The following SERPINA3 variants were observed in gnomAD, a reference collection of about 807,000 sequenced individuals.
SERPINA3 encodes serpin family A member 3, also known as alpha-1-antichymotrypsin.
In SERPINA3, 32 loss-of-function variants were observed where a neutral mutation model predicts 26.8. The ratio of observed to expected loss-of-function variants is 1.20; its 90% confidence interval spans 0.90 to 1.61. SERPINA3 has a LOEUF of 1.61. Among genes scored for constraint, SERPINA3 ranks in the 40% most tolerant of loss-of-function variants. The pLI is 0.00. For missense variants in SERPINA3, 632 were observed against 517.9 expected (o/e 1.22, Z -2.14); for synonymous variants, 252 against 206.4 (o/e 1.22, Z -1.89).
rs887992409 is a variant in SERPINA3 at position 94,624,041 on chromosome 14, T to A, written c.*227T>A. 1.2e-5 allele frequency: 7 copies of A among 592,946 alleles called. No individual in the cohort carries two copies. The highest frequency in any genetic ancestry group is 2.1e-5 in the Non-Finnish European group (7 of 332,542). The allele number at this position is 592,946 out of a possible 1,614,324, so 36.7% of individuals were successfully genotyped here. A position where few individuals can be genotyped will look rare whatever the true frequency, so the allele number is the denominator to read the frequency against. ...TCCTGGGCCTCCTGACAGCAATAAA[T>A]AATTTCGTTGGACACGTTGCTTGTG... On this transcript the variant is annotated 3_prime_UTR_variant, in exon 5 of 5. Coordinates refer to ENST00000393078, the MANE Select transcript of SERPINA3 (RefSeq NM_001085.5).
rs775441283 is a variant in SERPINA3, at chr14:94,623,592, T to C, written c.1069-19T>C. 1.9e-6 allele frequency: 3 copies of C among 1,612,532 alleles called. No homozygotes were observed. The highest frequency in any genetic ancestry group is 2.2e-5 in the East Asian group (1 of 44,878). Reference sequence around the variant, plus strand: ...GCGCATCTGTGTTTCCCGTGTGTAATGTTCTGCTGTCCCCACAGGTGGTCC... The same window carrying C: ...GCGCATCTGTGTTTCCCGTGTGTAACGTTCTGCTGTCCCCACAGGTGGTCC... On this transcript the variant is annotated intron_variant, in intron 4 of 4. Coordinates refer to ENST00000393078, the MANE Select transcript of SERPINA3 (RefSeq NM_001085.5).
chr14:94,624,037 T>C lies in SERPINA3; in HGVS notation c.*223T>C, dbSNP rs1047991405. The C allele has an allele frequency of 6.7e-6, 4 of 599,116 alleles. No individual in the cohort carries two copies. Among genetic ancestry groups the C allele is most frequent in the Non-Finnish European group, 1.2e-5 (4 of 336,604 alleles). 37.1% of individuals were successfully genotyped at this position (599,116 alleles called of 1,614,324 possible). ...AGGGTCCTGGGCCTCCTGACAGCAA[T>C]AAATAATTTCGTTGGACACGTTGCT... On this transcript the variant is annotated 3_prime_UTR_variant, in exon 5 of 5. Transcript: ENST00000393078.
At chr14:94,612,512 G>T in intron 1 of SERPINA3, 65 bp downstream of exon 1, 1 of 1,026,300 alleles carries the variant, frequency 9.7e-7, no homozygotes, top group Non-Finnish European at 1.4e-6. Context: ...GTTTTAGGCA[G>T]CAGCCTGGAG....
chr14:94,623,466 T>C (rs1886280659), intron 4 of SERPINA3, 145 bp from the exon 5 acceptor site: 1 of 764,508 alleles, frequency 1.3e-6, no homozygotes, highest in Non-Finnish European at 2.3e-6. Context: ...GGCAGGGGAG[T>C]TGGGAGGAGC....
intron 2 of SERPINA3, chr14:94,618,739 C>T (rs1030696229): frequency 5.8e-5 from 15 of 256,808 alleles, no homozygotes; most frequent in Admixed American, 1.0e-4. Flanking sequence ...AGTCTCTTTC[C>T]TCTTATTTCC....
At position 94,623,695 on chromosome 14, in the gene SERPINA3, G is replaced by A. The variant is rs1886290735; in HGVS notation, c.1153G>A (p.Ala385Thr). 1 of 1,614,098 alleles carries A rather than the reference G, an allele frequency of 6.2e-7. No homozygotes were observed. Residue 385 changes from alanine to threonine, a missense_variant, in exon 5 of 5, where the codon GCA becomes ACA. Ala to Thr is a moderately conservative substitution (Grantham distance 58). Transcript: ENST00000393078. ...ATAVKITLLSALVETRTIVRF... is the reference protein window; with the variant it reads ...ATAVKITLLSTLVETRTIVRF... ...AGCAGTCAAAATCACCCTCCTTTCT[G>A]CATTAGTGGAGACAAGGACCATTGT...
intron 1 of SERPINA3, chr14:94,613,906 A>G (rs1566845723): frequency 6.2e-6 from 1 of 161,890 alleles, no homozygotes; most frequent in Non-Finnish European, 1.4e-5. Flanking sequence ...AGGCCACACC[A>G]CGTGACATCT....
chr14:94,622,550 C>T, intron 4 of SERPINA3, 59 bp downstream of exon 4: 2 of 1,583,440 alleles, frequency 1.3e-6, no homozygotes, highest in African/African-American at 1.3e-5. Flanking sequence ...TTGGTGAAGG[C>T]CAGATGGACT....
intron 1 of SERPINA3, 198 bp from the exon 2 acceptor site, chr14:94,614,236 T>G: frequency 1.6e-6 from 1 of 606,382 alleles, no homozygotes; most frequent in Non-Finnish European, 2.9e-6. Context: ...TGGCAACAAT[T>G]ATGGTACCTA....
intron 3 of SERPINA3, chr14:94,619,698 T>A (rs1488369452): frequency 1.7e-6 from 1 of 584,862 alleles, no homozygotes; most frequent in East Asian, 2.9e-5. Flanking sequence ...TCCAGCATGT[T>A]CTAAGTCATG....
chr14:94,617,899 A>G (rs1447017699), intron 2 of SERPINA3: 3 of 152,100 alleles, frequency 2.0e-5, no homozygotes, highest in African/African-American at 7.2e-5. Flanking sequence ...CATCTTCTTC[A>G]TCTTCTCTTT....
intron 3 of SERPINA3, chr14:94,619,842 CA>C: frequency 3.0e-6 from 1 of 333,546 alleles, no homozygotes; most frequent in South Asian, 3.5e-5. Context: ...ATCAGTTCTG[CA>C]CTGGTGAACC....
chr14:94,618,990 C>T, intron 2 of SERPINA3: 1 of 637,442 alleles, frequency 1.6e-6, no homozygotes, highest in Admixed American at 2.4e-5. Flanking sequence ...GGAACTAGGT[C>T]TTTCTTTTGT....
At position 94,623,891 on chromosome 14, in the gene SERPINA3, C is replaced by A; in HGVS notation, c.*77C>A. The A allele has an allele frequency of 1.5e-6, 2 of 1,306,240 alleles. No homozygotes were observed. Among genetic ancestry groups the A allele is most frequent in the Non-Finnish European group, 2.2e-6 (2 of 907,034 alleles). The allele number at this position is 1,306,240 out of a possible 1,614,324, so 80.9% of individuals were successfully genotyped here. ...GGATGCCTGGGTCTCTGGGCACAGCCTGGCCCCTGTGCACCGAGTGGCCAT... is the reference window on the plus strand; with the variant it reads ...GGATGCCTGGGTCTCTGGGCACAGCATGGCCCCTGTGCACCGAGTGGCCAT... On this transcript the variant is annotated 3_prime_UTR_variant, in exon 5 of 5. Transcript: ENST00000393078.
chr14:94,614,562 C>T lies in SERPINA3; in HGVS notation c.121C>T (p.Arg41Ter), dbSNP rs373526796. ...EENLTQENQD[R>*]GTHVDLGLAS... Reference sequence around the variant, plus strand: ...GAATCTGACCCAGGAGAACCAAGACCGAGGGACACACGTGGACCTCGGATT... The same window carrying T: ...GAATCTGACCCAGGAGAACCAAGACTGAGGGACACACGTGGACCTCGGATT... Residue 41 changes from arginine to a stop codon, truncating the protein, a stop_gained, in exon 2 of 5, where the codon CGA becomes TGA. Transcript: ENST00000393078. LOFTEE classifies it high-confidence loss of function. 2.2e-5 allele frequency: 36 copies of T among 1,614,032 alleles called. No individual in the cohort carries two copies. The highest frequency in any genetic ancestry group is 4.5e-5 in the East Asian group (2 of 44,876).
In SERPINA3 at chr14:94,623,974, T is replaced by A; in HGVS notation, c.*160T>A. 1.4e-6 allele frequency: 1 copy of A among 712,536 alleles called. No homozygotes were observed. Among genetic ancestry groups the A allele is most frequent in the South Asian group, 1.5e-5 (1 of 65,710 alleles). 44.1% of individuals were successfully genotyped at this position (712,536 alleles called of 1,614,324 possible). On this transcript the variant is annotated 3_prime_UTR_variant, in exon 5 of 5. Transcript: ENST00000393078. ...AGGTGACAGCGATTCCCTGTGTAGC[T>A]CTCACATGCACAGGGGCCCATGGAC...
intron 4 of SERPINA3, among the ~76,000 whole-genome samples, chr14:94,622,999 T>G (rs547357648): frequency 6.6e-6 from 1 of 152,330 alleles, no homozygotes; most frequent in South Asian, 2.1e-4. Flanking sequence ...CATGCAGCCT[T>G]TTGCTCTTGT....
At chr14:94,615,505 G>T (rs1223616533) in intron 2 of SERPINA3, 1 of 456,566 alleles carries the variant, frequency 2.2e-6, no homozygotes, top group East Asian at 6.8e-5. Flanking sequence ...GCACATGTGG[G>T]AGGAGCACAT....
rs1301501726 is a variant in SERPINA3 at position 94,619,262 on chromosome 14, G to A, written c.711G>A (p.Lys237=). 6.2e-7 allele frequency: 1 copy of A among 1,613,986 alleles called. No individual in the cohort carries two copies. The highest frequency in any genetic ancestry group is 8.5e-7 in the Non-Finnish European group (1 of 1,180,000). Residue 237 remains lysine (K), a synonymous_variant, in exon 3 of 5, where the codon AAG becomes AAA. Coordinates refer to ENST00000393078, the MANE Select transcript of SERPINA3 (RefSeq NM_001085.5). ...HQSRFYLSKK[K]WVMVPMMSLH... is the part of the protein sequence containing the mutation. The stretch of plus-strand genomic sequence containing the variant: ...CAAGGTTCTACTTGAGCAAGAAAAA[G>A]TGGGTAATGGTGCCCATGATGAGTT...
Sources: gnomAD v4.1 joint callset for allele counts (sites outside exome capture counted in the v4.1 genomes callset) on GRCh38, gnomAD v4.1.1 for gene constraint, MANE v1.5 for transcripts, NCBI Gene and HGNC (gene_info 2026-07-23, HGNC 2026-07-21) for gene names.